MACROD2: variants seen among roughly 807,000 people sequenced by gnomAD.
MACROD2 encodes mono-ADP ribosylhydrolase 2, also known as ADP-ribose glycohydrolase MACROD2.
MACROD2 carries 36 observed loss-of-function variants against 70.4 expected under a neutral mutation model. That is an observed-to-expected ratio of 0.51 (90% CI 0.39 to 0.68). The LOEUF is 0.68. Ranked by LOEUF, MACROD2 falls within the 30% of genes least tolerant of loss-of-function variation. The pLI, the probability that MACROD2 is intolerant of heterozygous loss-of-function variation, is 0.00. For synonymous variants in MACROD2, 172 were observed against 178.8 expected, an observed-to-expected ratio of 0.96 and a Z score of 0.30; for missense variants, 496 against 538.4, an observed-to-expected ratio of 0.92 and a Z score of 0.78.
At chr20:15,071,459 G>C (rs1568559080) in intron 5 of MACROD2, among the ~76,000 whole-genome samples, 1 of 152,150 alleles carries the variant, frequency 6.6e-6, no homozygotes, top group African/African-American at 2.4e-5. Flanking sequence ...GGAAAGCAGA[G>C]GGGCTCAATA....
Position 14,848,953 on chromosome 20 carries a change from C to T in MACROD2, c.418+163994C>T, listed in dbSNP as rs567395116. Reference sequence around the variant, plus strand: ...CCTCCGGCAGACATCACTTATCGGTCGTGGCATTTTTCTCACAGGAACAGC... The same window carrying T: ...CCTCCGGCAGACATCACTTATCGGTTGTGGCATTTTTCTCACAGGAACAGC... On this transcript the variant is annotated intron_variant, in intron 5 of 17. Coordinates refer to ENST00000684519, the MANE Select transcript of MACROD2 (RefSeq NM_001351661.2). Among the ~76,000 whole-genome samples the T allele has an allele frequency of 9.2e-5, 14 of 152,156 alleles. No homozygotes were observed. The South Asian group carries it at 2.1e-3, about 23-fold the overall frequency.
chr20:15,193,225 G>A (rs185095666), intron 5 of MACROD2, among the ~76,000 whole-genome samples: 6 of 152,162 alleles, frequency 3.9e-5, no homozygotes, highest in Admixed American at 3.3e-4. Context: ...ATATGTATTA[G>A]AGTATTACTT....
At chr20:14,602,464 C>G (rs1224414004) in intron 4 of MACROD2, among the ~76,000 whole-genome samples, 1 of 152,156 alleles carries the variant, frequency 6.6e-6, no homozygotes, top group African/African-American at 2.4e-5. Context: ...GGTATTTGGC[C>G]GTCTCCTTGC....
At chr20:15,772,084 C>CAAAA (rs753205618) in intron 8 of MACROD2, among the ~76,000 whole-genome samples, 3 of 70,724 alleles carry the variant, frequency 4.2e-5, no homozygotes, top group Non-Finnish European at 7.8e-5. Context: ...GACTCGGTCT[C>CAAAA]AAAAAAAAAA....
intron 4 of MACROD2, among the ~76,000 whole-genome samples, chr20:14,663,931 C>A (rs879864368): frequency 2.0e-5 from 3 of 151,900 alleles, no homozygotes; most frequent in Admixed American, 2.0e-4. Flanking sequence ...TGTCTTATGG[C>A]CATTAACAAA....
intron 3 of MACROD2, among the ~76,000 whole-genome samples, chr20:14,392,746 C>T (rs961861385): frequency 6.6e-5 from 10 of 151,970 alleles, no homozygotes; most frequent in Non-Finnish European, 1.2e-4. Context: ...CTCTGTAGTC[C>T]CTTAGCTCTA....
intron 5 of MACROD2, among the ~76,000 whole-genome samples, chr20:15,164,505 A>G (rs1453933365): frequency 6.6e-6 from 1 of 152,200 alleles, no homozygotes; most frequent in Non-Finnish European, 1.5e-5. Flanking sequence ...ATCAGTACAT[A>G]TTAAAATCCT....
chr20:14,715,956 T>C lies in MACROD2; in HGVS notation c.418+30997T>C, dbSNP rs117213084. Among the ~76,000 whole-genome samples, 1,095 of 152,298 alleles carry C rather than the reference T, an allele frequency of 7.2e-3. 7 individuals are homozygous for C. Among genetic ancestry groups the C allele is most frequent in the Non-Finnish European group, 0.011 (779 of 68,024 alleles). On this transcript the variant is annotated intron_variant, in intron 5 of 17. Transcript: ENST00000684519. ...GAAGGTAATGTGAAATTTTCCTAAA[T>C]CATCTAAACACCAAAAAATCTGTTA... is the stretch of plus-strand genomic sequence containing the variant.
intron 6 of MACROD2, among the ~76,000 whole-genome samples, chr20:15,323,178 C>T (rs2146174649): frequency 6.6e-6 from 1 of 152,276 alleles, no homozygotes; most frequent in East Asian, 1.9e-4. Flanking sequence ...CCCTTTATTT[C>T]TTCTTGACAA....
At chr20:15,798,740 G>A (rs1359989542) in intron 8 of MACROD2, among the ~76,000 whole-genome samples, 1 of 152,144 alleles carries the variant, frequency 6.6e-6, no homozygotes, top group Non-Finnish European at 1.5e-5. Flanking sequence ...TGAGGCTCTA[G>A]ATACCTCATT....
chr20:15,145,930 A>G (rs1055981850), intron 5 of MACROD2, among the ~76,000 whole-genome samples: 6 of 152,132 alleles, frequency 3.9e-5, no homozygotes, highest in Admixed American at 3.9e-4. Context: ...ATTGTTTATA[A>G]TAAATGCTTT....
chr20:15,018,006 A>G (rs1329690224), intron 5 of MACROD2, among the ~76,000 whole-genome samples: 1 of 152,200 alleles, frequency 6.6e-6, no homozygotes, highest in Non-Finnish European at 1.5e-5. Context: ...TTGGGAAATA[A>G]TATTAGGCTC....
At chr20:15,311,239 G>A (rs1245314918) in intron 6 of MACROD2, among the ~76,000 whole-genome samples, 3 of 152,008 alleles carry the variant, frequency 2.0e-5, no homozygotes, top group East Asian at 1.9e-4. Flanking sequence ...TTTTAAGAAC[G>A]TGCAGAGAAT....
chr20:15,530,685 A>G (rs917347178), intron 8 of MACROD2, among the ~76,000 whole-genome samples: 1 of 144,774 alleles, frequency 6.9e-6, no homozygotes, highest in Non-Finnish European at 1.5e-5. Context: ...ACTGCACTCT[A>G]TCCTGGGTGA....
In MACROD2 at chr20:14,560,660, A is replaced by G. The variant is rs543917967; in HGVS notation, c.301+67152A>G. The stretch of plus-strand genomic sequence containing the variant: ...GATTTTCTTGAGAATATTGTTATAC[A>G]TGTTTTCTGCATCCTCCCATAGGTC... On this transcript the variant is annotated intron_variant, in intron 4 of 17. Transcript: ENST00000684519. 5.0e-4 allele frequency among the ~76,000 whole-genome samples: 76 copies of G among 151,990 alleles called. 1 individual carries two copies. The highest frequency in any genetic ancestry group is 1.8e-3 in the African/African-American group (73 of 41,516).
At chr20:15,015,322 T>C (rs2075112765) in intron 5 of MACROD2, among the ~76,000 whole-genome samples, 1 of 152,186 alleles carries the variant, frequency 6.6e-6, no homozygotes, top group African/African-American at 2.4e-5. Context: ...GAAACTTATC[T>C]AATTGAACTT....
chr20:14,467,613 T>G (rs1172780418), intron 3 of MACROD2, among the ~76,000 whole-genome samples: 1 of 152,052 alleles, frequency 6.6e-6, no homozygotes, highest in African/African-American at 2.4e-5. Flanking sequence ...CTGTCTTCTG[T>G]GTCACTCACC....
intron 6 of MACROD2, among the ~76,000 whole-genome samples, chr20:15,314,900 A>T (rs1405528769): frequency 6.6e-6 from 1 of 152,242 alleles, no homozygotes; most frequent in Non-Finnish European, 1.5e-5. Context: ...TAGAAATGAC[A>T]TGAGAAGACC....
chr20:14,373,733 G>A (rs2083347248), intron 3 of MACROD2, among the ~76,000 whole-genome samples: 1 of 152,136 alleles, frequency 6.6e-6, no homozygotes, highest in South Asian at 2.1e-4. Context: ...GTGAAGTGCT[G>A]CATTAATTAT....
Sources: gnomAD v4.1 joint callset for allele counts (sites outside exome capture counted in the v4.1 genomes callset) on GRCh38, gnomAD v4.1.1 for gene constraint, MANE v1.5 for transcripts, NCBI Gene and HGNC (gene_info 2026-07-23, HGNC 2026-07-21) for gene names.